Variants in SH3PXD2B observed in about 807,000 individuals in gnomAD.
The protein encoded by SH3PXD2B is SH3 and PX domains 2B.
A neutral mutation model predicts 73.1 loss-of-function variants in SH3PXD2B; 37 were observed. The ratio of observed to expected loss-of-function variants is 0.51; its 90% confidence interval spans 0.39 to 0.67. The LOEUF (loss-of-function observed/expected upper bound fraction) is 0.67. Among genes scored for constraint, SH3PXD2B ranks in the 30% least tolerant of loss-of-function variants. The pLI, the probability that SH3PXD2B is intolerant of heterozygous loss-of-function variation, is 0.00. For synonymous variants in SH3PXD2B, 457 were observed against 480.5 expected (o/e 0.95, Z 0.64); for missense variants, 1,053 against 1,197.8 (o/e 0.88, Z 1.78).
chr5:172,364,686 C>CAA (rs144791219), intron 6 of SH3PXD2B, among the ~76,000 whole-genome samples: 8 of 151,856 alleles, frequency 5.3e-5, no homozygotes, highest in Admixed American at 2.0e-4. Context: ...CCAAAAAAAC[C>CAA]AAAAAAACCA....
At chr5:172,373,918 ACAT>A (rs1757766663) in intron 5 of SH3PXD2B, 103 bp from the exon 6 acceptor site, 1 of 1,263,596 alleles carries the variant, frequency 7.9e-7, no homozygotes, top group South Asian at 1.3e-5. Context: ...ACCCCCCACA[ACAT>A]CATCAGTGAA....
At chr5:172,444,372 A>G (rs997347758) in intron 1 of SH3PXD2B, among the ~76,000 whole-genome samples, 20 of 152,116 alleles carry the variant, frequency 1.3e-4, no homozygotes, top group Admixed American at 1.3e-3. Flanking sequence ...CACCTTTCCA[A>G]TACATTCTGT....
intron 4 of SH3PXD2B, 39 bp downstream of exon 4, chr5:172,394,524 A>G (rs1758252541): frequency 6.2e-7 from 1 of 1,601,978 alleles, no homozygotes. Flanking sequence ...AACAGAATAC[A>G]CCTACAGGGA....
chr5:172,434,063 GACTA>G (rs1476501196), intron 1 of SH3PXD2B, among the ~76,000 whole-genome samples: 1 of 151,434 alleles, frequency 6.6e-6, no homozygotes, highest in African/African-American at 2.5e-5. Flanking sequence ...TAGCAGAGTA[GACTA>G]ACTATAGTTA....
chr5:172,454,014 G>T (rs1200128233), intron 1 of SH3PXD2B, among the ~76,000 whole-genome samples: 2 of 151,756 alleles, frequency 1.3e-5, no homozygotes, highest in African/African-American at 4.8e-5. Context: ...GACAGAAAGG[G>T]GTAGAGGAGC....
intron 12 of SH3PXD2B, among the ~76,000 whole-genome samples, chr5:172,327,752 GT>G (rs3053146): frequency 0.014 from 1,925 of 142,148 alleles, 29 homozygotes; most frequent in African/African-American, 0.049. Context: ...CTGCAACTGG[GT>G]TTTTTTTTTT....
chr5:172,414,336 G>A (rs1156951853), intron 2 of SH3PXD2B, among the ~76,000 whole-genome samples: 1 of 151,934 alleles, frequency 6.6e-6, no homozygotes, highest in African/African-American at 2.4e-5. Context: ...GGGCATGGTA[G>A]CGCGTGCCTG....
chr5:172,452,271 GC>G (rs1759813623), intron 1 of SH3PXD2B, among the ~76,000 whole-genome samples: 2 of 152,234 alleles, frequency 1.3e-5, no homozygotes, highest in South Asian at 4.1e-4. Flanking sequence ...GTCTCAGGGG[GC>G]CCCCAAAAAG....
rs114829454 is a variant in SH3PXD2B, at chr5:172,374,019, C to T, written c.402-204G>A. On this transcript the variant is annotated intron_variant, in intron 5 of 12. Transcript: ENST00000311601. The stretch of plus-strand genomic sequence containing the variant: ...ATTTTCCCCCTTTGCCTGATAAGTG[C>T]TCTGGTGCCCTGGGGACCAGTGTCT... Among the ~76,000 whole-genome samples, 1,347 of 152,274 alleles carry T rather than the reference C, an allele frequency of 8.8e-3. 20 individuals are homozygous for T. The highest frequency in any genetic ancestry group is 0.031 in the African/African-American group (1,284 of 41,538).
Position 172,366,932 on chromosome 5 carries a change from A to ATTTTTTTTTTTTTTTTTT in SH3PXD2B, c.428-4081_428-4064dup, listed in dbSNP as rs1262636786. On this transcript the variant is annotated intron_variant, in intron 6 of 12. Coordinates refer to ENST00000311601, the MANE Select transcript of SH3PXD2B (RefSeq NM_001017995.3). ...TAGGTGTGAGCCATCGTGCCCGGCC[A>ATTTTTTTTTTTTTTTTTT]TTTTTTTTTTTTTTTTTTTTTGGGG... Among the ~76,000 whole-genome samples the ATTTTTTTTTTTTTTTTTT allele has an allele frequency of 4.0e-5, 3 of 75,106 alleles. 1 individual carries two copies. Among genetic ancestry groups the ATTTTTTTTTTTTTTTTTT allele is most frequent in the Non-Finnish European group, 7.4e-5 (3 of 40,370 alleles). 49.3% of individuals were successfully genotyped at this position (75,106 alleles called of 152,430 possible).
intron 12 of SH3PXD2B, chr5:172,325,441 C>T (rs1756430097): frequency 6.0e-6 from 7 of 1,160,108 alleles, no homozygotes; most frequent in Non-Finnish European, 7.4e-6. Context: ...GAAAGACTAA[C>T]GTGGCCTGGG....
rs1480272069 is a variant in SH3PXD2B at position 172,339,559 on chromosome 5, T to G, written c.1546A>C (p.Met516Leu). 6.2e-7 allele frequency: 1 copy of G among 1,614,218 alleles called. No homozygotes were observed. Among genetic ancestry groups the G allele is most frequent in the Non-Finnish European group, 8.5e-7 (1 of 1,180,036 alleles). ...AGYEEISDPD[M>L]EEKPSLPPRK... is the part of the protein sequence containing the mutation. Reference sequence around the variant, plus strand: ...GGAGGGAGGCTGGGCTTCTCCTCCATGTCGGGGTCTGAGATCTCCTCGTAG... The same window carrying G: ...GGAGGGAGGCTGGGCTTCTCCTCCAGGTCGGGGTCTGAGATCTCCTCGTAG... Residue 516 changes from methionine to leucine, a missense_variant, in exon 13 of 13, where the codon ATG becomes CTG. By Grantham distance (15) the Met-to-Leu change is conservative. Transcript: ENST00000311601. This position sits in a 1 kb window ranked among gnomAD's most constrained non-coding sequence, Gnocchi z 6.1.
At chr5:172,427,322 C>A (rs762366158) in intron 1 of SH3PXD2B, among the ~76,000 whole-genome samples, 1 of 152,018 alleles carries the variant, frequency 6.6e-6, no homozygotes, top group Non-Finnish European at 1.5e-5. Flanking sequence ...ATGGTGGTTG[C>A]CAGAATGGGT....
chr5:172,330,947 C>T (rs182979122), downstream of SH3PXD2B, among the ~76,000 whole-genome samples: 1 of 152,232 alleles, frequency 6.6e-6, no homozygotes, highest in African/African-American at 2.4e-5. Context: ...GCAATCCCAG[C>T]ACTTTGGGAG....
At chr5:172,327,850 G>A (rs1038462416) in intron 12 of SH3PXD2B, among the ~76,000 whole-genome samples, 1 of 151,108 alleles carries the variant, frequency 6.6e-6, no homozygotes, top group Non-Finnish European at 1.5e-5. Context: ...TGCCTCCCAG[G>A]TTCAAGCAAT....
Position 172,335,692 on chromosome 5 carries a change from TCA to T in SH3PXD2B, c.*2675_*2676del. 8.1e-7 allele frequency: 1 copy of T among 1,231,694 alleles called. No individual in the cohort carries two copies. The highest frequency in any genetic ancestry group is 1.0e-6 in the Non-Finnish European group (1 of 987,972). The allele number at this position is 1,231,694 out of a possible 1,614,324, so 76.3% of individuals were successfully genotyped here. A position where few individuals can be genotyped will look rare whatever the true frequency, so the allele number is the denominator to read the frequency against. On this transcript the variant is annotated 3_prime_UTR_variant, in exon 13 of 13. Transcript: ENST00000311601. ...GTTCTGCATATGCGCCATCAATCGC[TCA>T]CAGAATAGCGACCACAGTCCTGGAT...
chr5:172,368,498 A>ATATATATATATATAAAATATATAT (rs1757588223), intron 6 of SH3PXD2B, among the ~76,000 whole-genome samples: 1 of 5,834 alleles, frequency 1.7e-4, no homozygotes, highest in Non-Finnish European at 3.0e-4. Context: ...TATATATATT[A>ATATATATATATATAAAATATATAT]TATATATATA....
At chr5:172,395,418 T>C (rs193081016) in intron 3 of SH3PXD2B, among the ~76,000 whole-genome samples, 1 of 152,366 alleles carries the variant, frequency 6.6e-6, no homozygotes, top group Non-Finnish European at 1.5e-5. Context: ...TCACCAAATA[T>C]TAACTGAGAG....
chr5:172,454,195 C>G (rs1759874045), intron 1 of SH3PXD2B, 83 bp downstream of exon 1: 1 of 1,228,268 alleles, frequency 8.1e-7, no homozygotes, highest in Non-Finnish European at 1.1e-6. Context: ...GCGCTGGAGG[C>G]AGAAGTTTTC....
Sources: allele counts gnomAD v4.1 joint callset (sites outside exome capture counted in the v4.1 genomes callset), GRCh38; gene constraint gnomAD v4.1.1; non-coding constraint Gnocchi (gnomAD v3.1); transcripts MANE v1.5; gene names NCBI Gene and HGNC (gene_info 2026-07-23, HGNC 2026-07-21).